The following ABI1 variants were observed in gnomAD, a reference collection of about 807,000 sequenced individuals.
The protein encoded by ABI1 is Abelson interactor 1.
In ABI1, 14 loss-of-function variants were observed where a neutral mutation model predicts 54.6. The ratio of observed to expected loss-of-function variants is 0.26; its 90% CI spans 0.17 to 0.40. ABI1 has a LOEUF of 0.40. ABI1 is among the 10% of genes least tolerant of loss of function. The pLI, the probability that ABI1 is intolerant of heterozygous loss-of-function variation, is 1.00. For synonymous variants in ABI1, 194 were observed against 209.3 expected, an observed-to-expected ratio of 0.93 and a Z score of 0.63; for missense variants, 443 against 598.3, an observed-to-expected ratio of 0.74 and a Z score of 2.71.
intron 1 of ABI1, among the ~76,000 whole-genome samples, chr10:26,853,311 TTA>T (rs200493271): frequency 1.9e-3 from 195 of 104,768 alleles, no homozygotes; most frequent in East Asian, 6.8e-3. Flanking sequence ...TTTTTTTTTT[TTA>T]AAAAAAATCC....
intron 1 of ABI1, among the ~76,000 whole-genome samples, chr10:26,843,500 A>G (rs1185101430): frequency 7.6e-6 from 1 of 131,628 alleles, no homozygotes; most frequent in Non-Finnish European, 1.6e-5. Context: ...ATATATATAT[A>G]TATATATATA....
At chr10:26,765,642 A>G (rs1588795002) in intron 6 of ABI1, among the ~76,000 whole-genome samples, 1 of 88,604 alleles carries the variant, frequency 1.1e-5, no homozygotes, top group Non-Finnish European at 2.1e-5. Flanking sequence ...GGAAGGAGGG[A>G]GGGAGGAAGG....
chr10:26,794,656 G>A (rs1843899338), intron 2 of ABI1, among the ~76,000 whole-genome samples: 1 of 151,506 alleles, frequency 6.6e-6, no homozygotes, highest in Non-Finnish European at 1.5e-5. Flanking sequence ...AGGATTAAAT[G>A]AAGCAATATA....
intron 9 of ABI1, among the ~76,000 whole-genome samples, chr10:26,753,879 C>CAT (rs1252832308): frequency 6.6e-6 from 1 of 152,172 alleles, no homozygotes; most frequent in Non-Finnish European, 1.5e-5. Context: ...GCCTCTTTAG[C>CAT]AAAGACCACA....
intron 7 of ABI1, among the ~76,000 whole-genome samples, chr10:26,761,581 G>A (rs1241347419): frequency 1.5e-5 from 2 of 130,830 alleles, no homozygotes; most frequent in Non-Finnish European, 3.2e-5. Flanking sequence ...CAAGGTGTAT[G>A]TTAAACATTC....
chr10:26,846,403 C>T (rs553536627), intron 1 of ABI1, among the ~76,000 whole-genome samples: 9 of 149,324 alleles, frequency 6.0e-5, no homozygotes, highest in Non-Finnish European at 1.3e-4. Context: ...AGTGCAGTGG[C>T]GTGCTCTCAG....
chr10:26,824,220 T>C (rs1201047201), intron 1 of ABI1, among the ~76,000 whole-genome samples: 1 of 152,204 alleles, frequency 6.6e-6, no homozygotes, highest in Non-Finnish European at 1.5e-5. Context: ...CAATATGAGA[T>C]ACTATTTCTC....
chr10:26,788,929 A>AG (rs929464814), intron 2 of ABI1: 6 of 150,004 alleles, frequency 4.0e-5, no homozygotes, highest in African/African-American at 1.2e-4. Flanking sequence ...AAAAAAAAAA[A>AG]AAAAAAAGAT....
chr10:26,841,814 A>C (rs985206710), intron 1 of ABI1, among the ~76,000 whole-genome samples: 1 of 152,186 alleles, frequency 6.6e-6, no homozygotes, highest in Non-Finnish European at 1.5e-5. Context: ...TGCATATCAC[A>C]TGTTCTTTAT....
intron 1 of ABI1, among the ~76,000 whole-genome samples, chr10:26,854,562 G>A (rs1308717084): frequency 6.6e-6 from 1 of 152,090 alleles, no homozygotes; most frequent in East Asian, 1.9e-4. Flanking sequence ...AACATGTAAT[G>A]ACATGGTATG....
At chr10:26,820,622 C>G (rs1376919164) in intron 2 of ABI1, among the ~76,000 whole-genome samples, 3 of 145,810 alleles carry the variant, frequency 2.1e-5, no homozygotes, top group Non-Finnish European at 3.0e-5. Flanking sequence ...GAGTTTTGCT[C>G]TGTCACCCAG....
intron 2 of ABI1, among the ~76,000 whole-genome samples, chr10:26,807,009 T>A (rs1253391124): frequency 4.6e-5 from 7 of 152,236 alleles, no homozygotes; most frequent in Non-Finnish European, 1.0e-4. Context: ...ATATTGGCCA[T>A]GTTTTCATGG....
At chr10:26,848,240 A>C (rs2050137721) in intron 1 of ABI1, among the ~76,000 whole-genome samples, 1 of 150,974 alleles carries the variant, frequency 6.6e-6, no homozygotes, top group Admixed American at 6.6e-5. Flanking sequence ...AAGAAGAAGA[A>C]GATGTAAATA....
intron 9 of ABI1, 59 bp downstream of exon 9, chr10:26,755,596 C>T: frequency 7.6e-7 from 1 of 1,322,998 alleles, no homozygotes; most frequent in Non-Finnish European, 1.1e-6. Context: ...CATCGTCAGC[C>T]ATGCATGCTA....
intron 2 of ABI1, among the ~76,000 whole-genome samples, chr10:26,816,986 TTGTGTGTGTG>T (rs71403891): frequency 4.2e-5 from 6 of 143,768 alleles, no homozygotes; most frequent in Admixed American, 1.4e-4. Flanking sequence ...TGCAAAGACT[TTGTGTGTGTG>T]TGTGTGTGTG....
At chr10:26,763,420 C>G (rs1368221307) in intron 7 of ABI1, among the ~76,000 whole-genome samples, 1 of 152,108 alleles carries the variant, frequency 6.6e-6, no homozygotes, top group Non-Finnish European at 1.5e-5. Flanking sequence ...GTCATAAAAA[C>G]TGGGCCATAT....
intron 7 of ABI1, among the ~76,000 whole-genome samples, chr10:26,759,781 T>G (rs10829057): frequency 0.15 from 23,149 of 151,944 alleles, 2,261 homozygotes; most frequent in African/African-American, 0.28. Flanking sequence ...TTACTAATAT[T>G]TTTGAGTTTT....
intron 1 of ABI1, among the ~76,000 whole-genome samples, chr10:26,838,902 T>C (rs1436849731): frequency 2.6e-5 from 4 of 152,220 alleles, no homozygotes; most frequent in African/African-American, 9.7e-5. Context: ...CCACACTGCC[T>C]CCATTTATAA....
intron 2 of ABI1, among the ~76,000 whole-genome samples, chr10:26,810,816 TAA>T (rs71834702): frequency 2.4e-4 from 35 of 146,696 alleles, no homozygotes; most frequent in Middle Eastern, 3.5e-3. Context: ...CCTGTTCTTT[TAA>T]AAAAAAAAAA....
Sources: gnomAD v4.1 joint callset for allele counts (sites outside exome capture counted in the v4.1 genomes callset) on GRCh38, gnomAD v4.1.1 for gene constraint, MANE v1.5 for transcripts, NCBI Gene and HGNC (gene_info 2026-07-23, HGNC 2026-07-21) for gene names.